The following THEMIS variants were observed in gnomAD, a reference collection of about 807,000 sequenced individuals.
The protein encoded by THEMIS is protein THEMIS.
Under a neutral mutation model 52.6 loss-of-function variants are expected in THEMIS, and 37 were observed. The ratio of observed to expected loss-of-function variants is 0.70; its 90% CI spans 0.54 to 0.93. The LOEUF (loss-of-function observed/expected upper bound fraction) is 0.93. THEMIS is among the 40% of genes least tolerant of loss of function. THEMIS has a pLI of 0.00. For missense variants in THEMIS, 808 were observed against 763.1 expected (o/e 1.06, Z -0.69); for synonymous variants, 292 against 272.7 (o/e 1.07, Z -0.70).
intron 4 of THEMIS, among the ~76,000 whole-genome samples, chr6:127,722,043 CA>C (rs998169984): frequency 1.3e-5 from 2 of 152,036 alleles, no homozygotes; most frequent in African/African-American, 4.8e-5. Flanking sequence ...ATAGCCCCTT[CA>C]TCAGAATAGG....
chr6:127,897,801 G>T (rs754607139), intron 1 of THEMIS, among the ~76,000 whole-genome samples: 10 of 151,688 alleles, frequency 6.6e-5, no homozygotes, highest in Admixed American at 2.0e-4. Flanking sequence ...CCTACTTAAT[G>T]CATATACACG....
At chr6:127,802,905 A>G (rs1024297728) in intron 4 of THEMIS, among the ~76,000 whole-genome samples, 5 of 152,120 alleles carry the variant, frequency 3.3e-5, no homozygotes, top group African/African-American at 1.2e-4. Flanking sequence ...TCTTCTACCT[A>G]TGTTCTGTGT....
intron 4 of THEMIS, among the ~76,000 whole-genome samples, chr6:127,726,875 A>G (rs1361598212): frequency 1.3e-5 from 2 of 152,214 alleles, no homozygotes; most frequent in African/African-American, 4.8e-5. Context: ...CAAAGACGAA[A>G]TGAAGATTTG....
chr6:127,864,274 G>C (rs770758403), intron 1 of THEMIS, among the ~76,000 whole-genome samples: 1 of 151,584 alleles, frequency 6.6e-6, no homozygotes, highest in Non-Finnish European at 1.5e-5. Context: ...TTAGTACAAA[G>C]AGAAAAAATA....
At chr6:127,740,744 C>T (rs1367726042) in intron 4 of THEMIS, among the ~76,000 whole-genome samples, 1 of 152,092 alleles carries the variant, frequency 6.6e-6, no homozygotes, top group Non-Finnish European at 1.5e-5. Flanking sequence ...AGCATTATAC[C>T]TCCAGAGAGC....
downstream of THEMIS, among the ~76,000 whole-genome samples, chr6:127,704,596 T>C (rs1773776525): frequency 6.6e-6 from 1 of 152,138 alleles, no homozygotes; most frequent in Admixed American, 6.5e-5. Flanking sequence ...CAATAGAACA[T>C]TGTATAATCA....
chr6:127,843,020 C>G (rs1195610152), intron 2 of THEMIS, among the ~76,000 whole-genome samples: 3 of 151,930 alleles, frequency 2.0e-5, no homozygotes, highest in Non-Finnish European at 4.4e-5. Context: ...ATCCTTTTAT[C>G]TGGTAGAAAT....
intron 4 of THEMIS, among the ~76,000 whole-genome samples, chr6:127,775,683 G>C (rs1425265657): frequency 6.6e-6 from 1 of 150,758 alleles, no homozygotes; most frequent in Non-Finnish European, 1.5e-5. Flanking sequence ...GGCAAAAAAC[G>C]ATCTTCTGTT....
intron 4 of THEMIS, among the ~76,000 whole-genome samples, chr6:127,785,220 TTATCTATCTATC>T (rs71028106): frequency 1.9e-4 from 18 of 93,758 alleles, no homozygotes; most frequent in Non-Finnish European, 2.5e-4. Context: ...ATTATCTATC[TTATCTATCTATC>T]TATCTATCTA....
chr6:127,719,436 A>G lies in THEMIS; in HGVS notation c.1894+252T>C, dbSNP rs145339336. ...AATACAAGTAATCTTGAAATATTTC[A>G]TTGCCATGAAAACCATAAATGAGGT... On this transcript the variant is annotated intron_variant, in intron 5 of 5. Transcript: ENST00000368248. Among the ~76,000 whole-genome samples, 517 of 152,076 alleles carry G rather than the reference A, an allele frequency of 3.4e-3. 5 individuals are homozygous for G. In the East Asian group the frequency reaches 0.038, roughly 11 times the overall value.
At chr6:127,837,234 T>C (rs1030990239) in intron 2 of THEMIS, among the ~76,000 whole-genome samples, 17 of 151,856 alleles carry the variant, frequency 1.1e-4, no homozygotes, top group South Asian at 4.2e-4. Flanking sequence ...ATAGACCAAC[T>C]ACTGCAAAAA....
intron 3 of THEMIS, among the ~76,000 whole-genome samples, chr6:127,826,659 A>G (rs937231422): frequency 1.3e-5 from 2 of 152,180 alleles, no homozygotes; most frequent in Non-Finnish European, 2.9e-5. Context: ...TTCAGAGGCA[A>G]ATATAAATAG....
chr6:127,861,937 A>G (rs976962443), intron 1 of THEMIS, among the ~76,000 whole-genome samples: 1 of 152,106 alleles, frequency 6.6e-6, no homozygotes, highest in African/African-American at 2.4e-5. Flanking sequence ...TTTTATTTTT[A>G]TAACTCATTT....
downstream of THEMIS, among the ~76,000 whole-genome samples, chr6:127,703,214 A>AT (rs1401679791): frequency 1.3e-5 from 2 of 150,824 alleles, no homozygotes; most frequent in African/African-American, 4.9e-5. Context: ...CGCCCGGCTA[A>AT]TTTTTTGTAT....
chr6:127,718,796 A>G (rs916941943), intron 5 of THEMIS, among the ~76,000 whole-genome samples: 2 of 151,942 alleles, frequency 1.3e-5, no homozygotes, highest in African/African-American at 4.8e-5. Flanking sequence ...ATGAAAAGGT[A>G]ATAAGAAAAG....
intron 4 of THEMIS, among the ~76,000 whole-genome samples, chr6:127,761,085 G>A (rs1375084397): frequency 6.6e-6 from 1 of 152,026 alleles, no homozygotes; most frequent in Non-Finnish European, 1.5e-5. Context: ...GATTAAAAAT[G>A]GACTAAGGAC....
intron 4 of THEMIS, among the ~76,000 whole-genome samples, chr6:127,747,877 T>A (rs1448490955): frequency 6.6e-6 from 1 of 152,104 alleles, no homozygotes; most frequent in African/African-American, 2.4e-5. Context: ...TTTCTTTTTT[T>A]CTGAAACATC....
At chr6:127,852,511 G>A (rs1027849004) in intron 2 of THEMIS, among the ~76,000 whole-genome samples, 5 of 151,448 alleles carry the variant, frequency 3.3e-5, no homozygotes, top group African/African-American at 1.2e-4. Context: ...AAAGGATTGA[G>A]TCATACAAAA....
intron 1 of THEMIS, among the ~76,000 whole-genome samples, chr6:127,888,860 T>C (rs903955200): frequency 2.0e-5 from 3 of 152,104 alleles, no homozygotes; most frequent in African/African-American, 7.2e-5. Flanking sequence ...GGTAGCATTA[T>C]TACCCAAGTA....
Sources: allele counts gnomAD v4.1 joint callset (sites outside exome capture counted in the v4.1 genomes callset), GRCh38; gene constraint gnomAD v4.1.1; transcripts MANE v1.5; gene names NCBI Gene and HGNC (gene_info 2026-07-23, HGNC 2026-07-21).